The following MEGF10 variants were observed in gnomAD, a reference collection of about 807,000 sequenced individuals.
MEGF10 encodes multiple EGF like domains 10.
MEGF10 carries 86 observed loss-of-function variants against 147.5 expected under a neutral mutation model. That is an observed-to-expected ratio of 0.58 (90% CI 0.49 to 0.70). MEGF10 has a LOEUF of 0.70. MEGF10 is among the 30% of genes least tolerant of loss of function. The pLI is 0.00. For synonymous variants in MEGF10, 478 were observed against 525.5 expected (o/e 0.91, Z 1.24); for missense variants, 1,329 against 1,487.3 (o/e 0.89, Z 1.75).
chr5:127,310,783 G>A (rs1363631936), intron 1 of MEGF10, among the ~76,000 whole-genome samples: 1 of 152,144 alleles, frequency 6.6e-6, no homozygotes, highest in Non-Finnish European at 1.5e-5. Flanking sequence ...TAGGGGCTAA[G>A]GAGAGAAAGG....
chr5:127,274,948 G>C, the MEGF10 span, among the ~76,000 whole-genome samples: 11 of 152,076 alleles, frequency 7.2e-5, no homozygotes, highest in Admixed American at 5.2e-4. Context: ...TGTAATAACA[G>C]TAATAGAAAA....
At chr5:127,346,426 T>C (rs1761891573) in intron 4 of MEGF10, among the ~76,000 whole-genome samples, 1 of 152,232 alleles carries the variant, frequency 6.6e-6, no homozygotes, top group Admixed American at 6.5e-5. Flanking sequence ...GGTATCATAT[T>C]ATGGTTTTGA....
chr5:127,393,604 C>T (rs1763786894), intron 5 of MEGF10, among the ~76,000 whole-genome samples: 1 of 152,092 alleles, frequency 6.6e-6, no homozygotes, highest in Non-Finnish European at 1.5e-5. Context: ...ATTGTGAGGT[C>T]CATGTATTAG....
chr5:127,355,332 C>A (rs1254377619), intron 4 of MEGF10, among the ~76,000 whole-genome samples: 1 of 152,024 alleles, frequency 6.6e-6, no homozygotes, highest in Non-Finnish European at 1.5e-5. Flanking sequence ...AAACCATAGT[C>A]TTTTGATCCA....
intron 4 of MEGF10, among the ~76,000 whole-genome samples, chr5:127,343,742 GGCATTCGAGACCA>G (rs1761771627): frequency 6.6e-6 from 1 of 151,944 alleles, no homozygotes; most frequent in South Asian, 2.1e-4. Context: ...GTTGAGCCCA[GGCATTCGAGACCA>G]GCATGGGCAA....
intron 4 of MEGF10, among the ~76,000 whole-genome samples, chr5:127,356,077 A>G (rs1762272118): frequency 6.6e-6 from 1 of 152,374 alleles, no homozygotes; most frequent in East Asian, 1.9e-4. Context: ...TTATTGTACT[A>G]TGGTTCAAAT....
chr5:127,238,771 C>T, the MEGF10 span, among the ~76,000 whole-genome samples: 2 of 151,522 alleles, frequency 1.3e-5, no homozygotes, highest in Non-Finnish European at 2.9e-5. Context: ...GTGAATACAA[C>T]CAATAAAGTT....
intron 4 of MEGF10, among the ~76,000 whole-genome samples, chr5:127,368,906 T>C (rs1430723350): frequency 6.6e-6 from 1 of 152,114 alleles, no homozygotes; most frequent in Non-Finnish European, 1.5e-5. Flanking sequence ...GAGAAAAATA[T>C]GTAGGAAAAA....
chr5:127,420,179 G>A lies in MEGF10; in HGVS notation c.1562G>A (p.Arg521His), dbSNP rs762636054. The A allele has an allele frequency of 5.0e-6, 8 of 1,614,034 alleles. No homozygotes were observed. The highest frequency in any genetic ancestry group is 4.0e-5 in the African/African-American group (3 of 74,924). ...ACCTGCACGTGTGCACCTGGATGGC[G>A]CGGGGAGAAATGCGAACTTCCCTGC... ...DGTCTCAPGW[R>H]GEKCELPCQD... Residue 521 changes from arginine (R) to histidine (H), a missense_variant, in exon 12 of 25, where the codon CGC becomes CAC. Transcript: ENST00000503335.
At chr5:127,281,955 C>T in the MEGF10 span, among the ~76,000 whole-genome samples, 1 of 152,182 alleles carries the variant, frequency 6.6e-6, no homozygotes, top group Non-Finnish European at 1.5e-5. Flanking sequence ...CGATTTGGCC[C>T]TAAGGAAACT....
At chr5:127,277,686 C>T in the MEGF10 span, among the ~76,000 whole-genome samples, 15 of 152,254 alleles carry the variant, frequency 9.9e-5, no homozygotes, top group East Asian at 2.7e-3. Context: ...AAAGAGACCA[C>T]TGCATTAATT....
chr5:127,317,060 A>C (rs1394304553), intron 1 of MEGF10, among the ~76,000 whole-genome samples: 1 of 152,226 alleles, frequency 6.6e-6, no homozygotes, highest in African/African-American at 2.4e-5. Context: ...CGACATATAC[A>C]TGAGTTTGTT....
In MEGF10 at chr5:127,354,659, A is replaced by G. The variant is rs115160054; in HGVS notation, c.319+14029A>G. ...TCTGGAATCATGGAGATAGCAACCGAGGCTCCTGAATCACACACCTGGCTA... is the reference window on the plus strand; with the variant it reads ...TCTGGAATCATGGAGATAGCAACCGGGGCTCCTGAATCACACACCTGGCTA... On this transcript the variant is annotated intron_variant, in intron 4 of 24. Transcript: ENST00000503335. Among the ~76,000 whole-genome samples the G allele has an allele frequency of 5.7e-3, 865 of 152,318 alleles. 4 individuals are homozygous for G. Among genetic ancestry groups the G allele is most frequent in the Middle Eastern group, 0.01 (3 of 294 alleles).
intron 22 of MEGF10, among the ~76,000 whole-genome samples, chr5:127,452,319 G>A (rs992696988): frequency 2.0e-5 from 3 of 152,230 alleles, no homozygotes; most frequent in African/African-American, 7.2e-5. Flanking sequence ...CTTTGCTACA[G>A]TCTGGAGATG....
At chr5:127,311,610 T>C (rs1413188318) in intron 1 of MEGF10, among the ~76,000 whole-genome samples, 3 of 152,210 alleles carry the variant, frequency 2.0e-5, no homozygotes, top group African/African-American at 2.4e-5. Flanking sequence ...TGCTGCTGCC[T>C]GCACAGTAAC....
intron 24 of MEGF10, among the ~76,000 whole-genome samples, chr5:127,455,845 T>C (rs1264267137): frequency 6.6e-6 from 1 of 152,044 alleles, no homozygotes. Context: ...GCTCAAGCCA[T>C]CCTCCCACTT....
chr5:127,257,721 C>T, the MEGF10 span, among the ~76,000 whole-genome samples: 1 of 152,038 alleles, frequency 6.6e-6, no homozygotes, highest in Non-Finnish European at 1.5e-5. Context: ...TTTCTGTACC[C>T]CCAACACTTT....
rs181883495 is a variant in MEGF10, at chr5:127,333,904, G to A, written c.116+2480G>A. Among the ~76,000 whole-genome samples the A allele has an allele frequency of 1.2e-3, 190 of 152,180 alleles. 1 individual carries two copies. The highest frequency in any genetic ancestry group is 4.2e-3 in the African/African-American group (176 of 41,524). ...TGCAAACTCTAAAATGCTCATGAAG[G>A]GGGAGGGAAATTGAATGTGAACAAA... is the stretch of plus-strand genomic sequence containing the variant. On this transcript the variant is annotated intron_variant, in intron 2 of 24. Transcript: ENST00000503335.
At chr5:127,380,699 A>G (rs1209092478) in intron 5 of MEGF10, among the ~76,000 whole-genome samples, 5 of 152,004 alleles carry the variant, frequency 3.3e-5, no homozygotes, top group Admixed American at 3.3e-4. Flanking sequence ...TTATATTTTT[A>G]GTAGAGGCAT....
Sources: gnomAD v4.1 joint callset for allele counts (sites outside exome capture counted in the v4.1 genomes callset) on GRCh38, gnomAD v4.1.1 for gene constraint, MANE v1.5 for transcripts, NCBI Gene and HGNC (gene_info 2026-07-23, HGNC 2026-07-21) for gene names.